The following GLIS1 variants were observed in gnomAD, a reference collection of about 807,000 sequenced individuals.
GLIS1 encodes GLIS family zinc finger 1.
In GLIS1, 24 loss-of-function variants were observed where a neutral mutation model predicts 63.8. The ratio of observed to expected loss-of-function variants is 0.38; its 90% CI spans 0.27 to 0.53. The LOEUF (loss-of-function observed/expected upper bound fraction) is 0.53. Among genes scored for constraint, GLIS1 ranks in the 20% least tolerant of loss-of-function variants. The probability of loss-of-function intolerance (pLI) is 0.85; values close to 1 mark genes in which losing one functional copy is unlikely to be tolerated. For missense variants in GLIS1, 1,036 were observed against 1,074.1 expected (o/e 0.96, Z 0.50); for synonymous variants, 450 against 482.5 (o/e 0.93, Z 0.88).
chr1:53,732,227 A>G (rs1333220031), intron 2 of GLIS1, among the ~76,000 whole-genome samples: 1 of 152,250 alleles, frequency 6.6e-6, no homozygotes, highest in Non-Finnish European at 1.5e-5. Flanking sequence ...TTTGGAGTTT[A>G]AGGGGGAAAA....
chr1:53,681,612 G>A (rs1320068790), intron 2 of GLIS1, among the ~76,000 whole-genome samples: 1 of 152,248 alleles, frequency 6.6e-6, no homozygotes, highest in East Asian at 1.9e-4. Flanking sequence ...TGGACTTCCT[G>A]CAGCTTCCAC....
chr1:53,684,757 T>A (rs1438797952), intron 2 of GLIS1, among the ~76,000 whole-genome samples: 1 of 152,190 alleles, frequency 6.6e-6, no homozygotes, highest in African/African-American at 2.4e-5. Flanking sequence ...TCTCCTCTCC[T>A]CCTGGCCAGC....
intron 2 of GLIS1, among the ~76,000 whole-genome samples, chr1:53,709,305 T>G (rs895529244): frequency 4.4e-5 from 6 of 136,166 alleles, no homozygotes; most frequent in Admixed American, 7.8e-5. Context: ...AAATATAAAT[T>G]TATATATTTA....
At chr1:53,674,906 T>G (rs988052043) in intron 2 of GLIS1, among the ~76,000 whole-genome samples, 3 of 152,128 alleles carry the variant, frequency 2.0e-5, no homozygotes, top group Non-Finnish European at 4.4e-5. Context: ...GAGCCAAGCC[T>G]GGCATGCAGG....
intron 2 of GLIS1, among the ~76,000 whole-genome samples, chr1:53,677,967 G>T (rs1646232085): frequency 6.6e-6 from 1 of 152,176 alleles, no homozygotes; most frequent in African/African-American, 2.4e-5. Flanking sequence ...CAGAGCTGTG[G>T]CGAGAATAAG....
chr1:53,601,669 C>T (rs1645319262), intron 2 of GLIS1, among the ~76,000 whole-genome samples: 1 of 152,154 alleles, frequency 6.6e-6, no homozygotes, highest in African/African-American at 2.4e-5. Context: ...GGTTCAATTA[C>T]TCACCCAAGA....
chr1:53,651,084 T>A (rs1245409571), intron 2 of GLIS1, among the ~76,000 whole-genome samples: 1 of 152,146 alleles, frequency 6.6e-6, no homozygotes, highest in Non-Finnish European at 1.5e-5. Context: ...ACCACGACAG[T>A]AAAAAATAAA....
chr1:53,696,846 G>A (rs550742692), intron 2 of GLIS1, among the ~76,000 whole-genome samples: 11 of 152,296 alleles, frequency 7.2e-5, no homozygotes, highest in Admixed American at 2.0e-4. Context: ...ATCCACTCTT[G>A]GAACTCCTGC....
intron 4 of GLIS1, among the ~76,000 whole-genome samples, chr1:53,588,619 G>A (rs1024677902): frequency 2.0e-5 from 3 of 152,250 alleles, no homozygotes; most frequent in Admixed American, 1.3e-4. Flanking sequence ...CAATGGGTGA[G>A]GGGTGTGTGC....
intron 1 of GLIS1, among the ~76,000 whole-genome samples, chr1:53,738,573 G>A (rs987825152): frequency 2.0e-5 from 3 of 152,202 alleles, no homozygotes; most frequent in Admixed American, 1.3e-4. Flanking sequence ...CCGGGGCCGA[G>A]CTGCGCGCAG....
intron 2 of GLIS1, among the ~76,000 whole-genome samples, chr1:53,724,017 A>G (rs1169551557): frequency 6.6e-6 from 1 of 152,238 alleles, no homozygotes; most frequent in Non-Finnish European, 1.5e-5. Context: ...GCTACCTCTC[A>G]TGGAAGACTG....
At chr1:53,600,930 T>C (rs1645310831) in intron 2 of GLIS1, among the ~76,000 whole-genome samples, 1 of 152,214 alleles carries the variant, frequency 6.6e-6, no homozygotes, top group Non-Finnish European at 1.5e-5. Flanking sequence ...CTAGGAAGAT[T>C]AGCTGAAGCA....
chr1:53,625,381 G>A (rs964019351), intron 2 of GLIS1, among the ~76,000 whole-genome samples: 2 of 152,216 alleles, frequency 1.3e-5, no homozygotes, highest in Non-Finnish European at 2.9e-5. Context: ...TAAGAAGTCA[G>A]GGGCTGGCAC....
At chr1:53,625,849 C>T (rs1194508477) in intron 2 of GLIS1, among the ~76,000 whole-genome samples, 3 of 152,232 alleles carry the variant, frequency 2.0e-5, no homozygotes, top group African/African-American at 7.2e-5. Flanking sequence ...AGGACCAGGC[C>T]CTGCAGCCAG....
rs571325365 is a variant in GLIS1, at chr1:53,676,138, T to C, written c.259+61668A>G. On this transcript the variant is annotated intron_variant, in intron 2 of 10. Coordinates refer to ENST00000628545, the MANE Select transcript of GLIS1 (RefSeq NM_001367484.1). ...GATTCAGCAAATTAACACCGTTTGC[T>C]CTGGTTTGGGGTTTGAGGTTTTGGT... 2.8e-3 allele frequency among the ~76,000 whole-genome samples: 429 copies of C among 152,256 alleles called. 3 individuals are homozygous for C. The highest frequency in any genetic ancestry group is 8.7e-3 in the African/African-American group (362 of 41,542).
At chr1:53,663,121 G>C (rs1372837083) in intron 2 of GLIS1, among the ~76,000 whole-genome samples, 1 of 152,120 alleles carries the variant, frequency 6.6e-6, no homozygotes, top group Non-Finnish European at 1.5e-5. Context: ...CTAGCTCCAT[G>C]ACCACTGCCA....
intron 2 of GLIS1, among the ~76,000 whole-genome samples, chr1:53,627,756 G>C (rs888057836): frequency 6.6e-6 from 1 of 152,202 alleles, no homozygotes; most frequent in African/African-American, 2.4e-5. Flanking sequence ...GTATCAACCA[G>C]AGAGGAGGTG....
chr1:53,738,223 G>T, intron 1 of GLIS1, 117 bp from the exon 2 acceptor site: 1 of 533,394 alleles, frequency 1.9e-6, no homozygotes, highest in Non-Finnish European at 2.8e-6. Context: ...TTTAACATAG[G>T]TTAGCACCAC....
chr1:53,683,659 G>A (rs990140058), intron 2 of GLIS1, among the ~76,000 whole-genome samples: 1 of 152,118 alleles, frequency 6.6e-6, no homozygotes, highest in African/African-American at 2.4e-5. Context: ...CAGAAGACCT[G>A]GCACGGGCAG....
Sources: allele counts gnomAD v4.1 joint callset (sites outside exome capture counted in the v4.1 genomes callset), GRCh38; gene constraint gnomAD v4.1.1; transcripts MANE v1.5; gene names NCBI Gene and HGNC (gene_info 2026-07-23, HGNC 2026-07-21).